The following ADK variants were observed in gnomAD, a reference collection of about 807,000 sequenced individuals.
The protein encoded by ADK is N6,N6-dimethyladenosine kinase.
ADK carries 24 observed loss-of-function variants against 44.7 expected under a neutral mutation model. The observed-to-expected ratio is 0.54, with a 90% CI of 0.39 to 0.76. The LOEUF (loss-of-function observed/expected upper bound fraction) is 0.76. ADK is among the 30% of genes least tolerant of loss of function. The probability of loss-of-function intolerance (pLI) is 0.00; values close to 1 mark genes in which losing one functional copy is unlikely to be tolerated. For synonymous variants in ADK, 128 were observed against 142.6 expected, an observed-to-expected ratio of 0.90 and a Z score of 0.73; for missense variants, 321 against 425.1, an observed-to-expected ratio of 0.76 and a Z score of 2.15.
chr10:74,266,386 G>A (rs1224776737), intron 3 of ADK, among the ~76,000 whole-genome samples: 1 of 151,964 alleles, frequency 6.6e-6, no homozygotes, highest in Non-Finnish European at 1.5e-5. Context: ...ATGAAACCCC[G>A]TCTCTACTAA....
At chr10:74,384,934 A>G (rs1161856913) in intron 4 of ADK, among the ~76,000 whole-genome samples, 3 of 152,224 alleles carry the variant, frequency 2.0e-5, no homozygotes, top group East Asian at 3.9e-4. Flanking sequence ...CATTTTAGGA[A>G]GAGCACTCAA....
chr10:74,595,791 G>A (rs73276246), intron 8 of ADK, among the ~76,000 whole-genome samples: 130,213 of 130,366 alleles, frequency 1, 65,030 homozygotes, highest in African/African-American at 1. Context: ...GAGGTCAGGA[G>A]TTCGAGACCA....
chr10:74,637,451 C>T (rs1853657135), intron 9 of ADK, among the ~76,000 whole-genome samples: 1 of 152,180 alleles, frequency 6.6e-6, no homozygotes, highest in South Asian at 2.1e-4. Context: ...AGACCTGGTT[C>T]TATATAATCA....
intron 10 of ADK, among the ~76,000 whole-genome samples, chr10:74,678,908 A>G (rs1363262804): frequency 6.6e-6 from 1 of 152,202 alleles, no homozygotes; most frequent in Non-Finnish European, 1.5e-5. Flanking sequence ...TACCTGTCTG[A>G]TACATCCAAC....
intron 6 of ADK, among the ~76,000 whole-genome samples, chr10:74,434,017 G>A (rs970392087): frequency 6.6e-5 from 10 of 152,274 alleles, no homozygotes; most frequent in African/African-American, 9.6e-5. Flanking sequence ...GAATATTTGT[G>A]TGTGGTGAAG....
intron 4 of ADK, among the ~76,000 whole-genome samples, chr10:74,358,604 T>C (rs1017530942): frequency 9.2e-5 from 14 of 152,220 alleles, no homozygotes; most frequent in African/African-American, 3.4e-4. Context: ...AGTAGATATA[T>C]TCTCATAGTG....
chr10:74,459,429 T>C (rs910554489), intron 6 of ADK, among the ~76,000 whole-genome samples: 2 of 151,894 alleles, frequency 1.3e-5, no homozygotes, highest in African/African-American at 2.4e-5. Context: ...TGGTAAATAT[T>C]AGTATAAAAA....
chr10:74,164,515 G>A (rs1841984618), intron 1 of ADK, among the ~76,000 whole-genome samples: 1 of 152,122 alleles, frequency 6.6e-6, no homozygotes, highest in Non-Finnish European at 1.5e-5. Flanking sequence ...CAGCCTGGGC[G>A]ACAGAGTGAG....
At chr10:74,556,883 C>T (rs1203337707) in intron 7 of ADK, among the ~76,000 whole-genome samples, 1 of 152,148 alleles carries the variant, frequency 6.6e-6, no homozygotes, top group Non-Finnish European at 1.5e-5. Flanking sequence ...CTTACTATCA[C>T]ATTTAGAGTG....
At chr10:74,620,351 G>A (rs976828346) in intron 9 of ADK, among the ~76,000 whole-genome samples, 10 of 152,004 alleles carry the variant, frequency 6.6e-5, no homozygotes, top group Admixed American at 1.3e-4. Context: ...TTCCACGTAC[G>A]AGTGAGAATA....
chr10:74,666,941 G>T (rs564250882), intron 9 of ADK, among the ~76,000 whole-genome samples: 2 of 147,652 alleles, frequency 1.4e-5, no homozygotes, highest in Admixed American at 1.4e-4. Flanking sequence ...AGTGATTCTC[G>T]TGCCTCAGCC....
intron 7 of ADK, among the ~76,000 whole-genome samples, chr10:74,559,983 A>G (rs1850397491): frequency 1.3e-5 from 2 of 151,866 alleles, no homozygotes; most frequent in Non-Finnish European, 2.9e-5. Flanking sequence ...CTGGAGTGCA[A>G]TGGCATGATC....
chr10:74,368,505 C>T (rs753539836), intron 4 of ADK, among the ~76,000 whole-genome samples: 65 of 152,078 alleles, frequency 4.3e-4, no homozygotes, highest in South Asian at 8.3e-4. Flanking sequence ...TGTCATTTAC[C>T]TCTTCATGGT....
At position 74,598,931 on chromosome 10, in the gene ADK, T is replaced by A. The variant is rs543117176; in HGVS notation, c.763-1448T>A. Among the ~76,000 whole-genome samples, 6 of 152,318 alleles carry A rather than the reference T, an allele frequency of 3.9e-5. No individual in the cohort carries two copies. The South Asian group carries it at 1.2e-3, about 32-fold the overall frequency. The stretch of plus-strand genomic sequence containing the variant: ...AAAATCCTATAGTAGTAAAATATAT[T>A]TGTGCTAAGGAAATTGCCAAAATAT... On this transcript the variant is annotated intron_variant, in intron 8 of 10. Coordinates refer to ENST00000539909, the MANE Select transcript of ADK (RefSeq NM_006721.4).
intron 6 of ADK, among the ~76,000 whole-genome samples, chr10:74,444,371 CACATACT>C: frequency 6.6e-6 from 1 of 152,098 alleles, no homozygotes. Flanking sequence ...TTCTATTAAA[CACATACT>C]TGGGAGTAAG....
intron 7 of ADK, among the ~76,000 whole-genome samples, chr10:74,586,517 T>C (rs186739988): frequency 6.6e-6 from 1 of 152,302 alleles, no homozygotes; most frequent in Admixed American, 6.5e-5. Flanking sequence ...TTCTTGCAGT[T>C]AGTCAGCTCC....
At chr10:74,577,548 A>G (rs933996850) in intron 7 of ADK, among the ~76,000 whole-genome samples, 2 of 151,936 alleles carry the variant, frequency 1.3e-5, no homozygotes, top group African/African-American at 4.8e-5. Flanking sequence ...ATCCATAGGT[A>G]AAAATTCTGA....
chr10:74,501,551 T>G (rs1203392299), intron 6 of ADK, among the ~76,000 whole-genome samples: 1 of 152,214 alleles, frequency 6.6e-6, no homozygotes, highest in African/African-American at 2.4e-5. Flanking sequence ...GTGTACATGT[T>G]TTTATGTTAT....
chr10:74,411,175 C>A (rs922774621), intron 6 of ADK, among the ~76,000 whole-genome samples: 2 of 151,796 alleles, frequency 1.3e-5, no homozygotes, highest in Non-Finnish European at 2.9e-5. Flanking sequence ...TTACAATGTC[C>A]TTGCAGGTGT....
Sources: allele counts gnomAD v4.1 joint callset (sites outside exome capture counted in the v4.1 genomes callset), GRCh38; gene constraint gnomAD v4.1.1; transcripts MANE v1.5; gene names NCBI Gene and HGNC (gene_info 2026-07-23, HGNC 2026-07-21).